The following HEMK2 variants were observed in gnomAD, a reference collection of about 807,000 sequenced individuals.
HEMK2 encodes the protein methyltransferase HEMK2.
chr21:28,698,376 T>G, the HEMK2 span, among the ~76,000 whole-genome samples: 24 of 152,260 alleles, frequency 1.6e-4, no homozygotes. Context: ...TCGGTTAAAA[T>G]GAAAAATTGT....
the HEMK2 span, among the ~76,000 whole-genome samples, chr21:28,731,577 A>C: frequency 4.5e-5 from 6 of 132,650 alleles, no homozygotes; most frequent in Non-Finnish European, 7.8e-5. Context: ...GCTCACAGGA[A>C]GGGGAACATC....
At chr21:28,811,158 G>A in the HEMK2 span, among the ~76,000 whole-genome samples, 14 of 151,998 alleles carry the variant, frequency 9.2e-5, no homozygotes, top group African/African-American at 3.1e-4. Flanking sequence ...AAGGCAGGAG[G>A]ATTTCTTGAG....
chr21:28,741,148 G>A, the HEMK2 span, among the ~76,000 whole-genome samples: 42 of 152,078 alleles, frequency 2.8e-4, no homozygotes, highest in African/African-American at 9.9e-4. Flanking sequence ...AATCAAATCA[G>A]ATGGGTCCCA....
chr21:28,736,646 TC>T, the HEMK2 span, among the ~76,000 whole-genome samples: 1 of 152,202 alleles, frequency 6.6e-6, no homozygotes, highest in Non-Finnish European at 1.5e-5. Flanking sequence ...ATGCCTGTAA[TC>T]CCAGCTACTC....
At chr21:28,650,380 G>A in the HEMK2 span, among the ~76,000 whole-genome samples, 1 of 151,458 alleles carries the variant, frequency 6.6e-6, no homozygotes. Flanking sequence ...GGGCGACAGG[G>A]TAAGACTCCA....
At chr21:28,855,403 A>G in the HEMK2 span, among the ~76,000 whole-genome samples, 1 of 152,198 alleles carries the variant, frequency 6.6e-6, no homozygotes, top group South Asian at 2.1e-4. Context: ...CTCCCACACA[A>G]TAATAGTGGT....
At chr21:28,621,361 G>A in the HEMK2 span, among the ~76,000 whole-genome samples, 2 of 152,186 alleles carry the variant, frequency 1.3e-5, no homozygotes, top group African/African-American at 4.8e-5. Context: ...CAGTTTCCGT[G>A]TAGTTGTGTG....
At chr21:28,674,375 G>C in the HEMK2 span, among the ~76,000 whole-genome samples, 3 of 152,090 alleles carry the variant, frequency 2.0e-5, no homozygotes, top group Non-Finnish European at 2.9e-5. Context: ...TCACTTTATA[G>C]ACTTGTCCTG....
the HEMK2 span, among the ~76,000 whole-genome samples, chr21:28,830,733 C>T: frequency 5.3e-5 from 8 of 151,904 alleles, no homozygotes; most frequent in Admixed American, 3.3e-4. Context: ...AAAAATTAGC[C>T]GGGCATGGTG....
chr21:28,769,211 G>A, the HEMK2 span, among the ~76,000 whole-genome samples: 1 of 152,010 alleles, frequency 6.6e-6, no homozygotes, highest in Non-Finnish European at 1.5e-5. Flanking sequence ...GGACCCCCAG[G>A]TTTCAAAACA....
chr21:28,792,143 G>A, the HEMK2 span, among the ~76,000 whole-genome samples: 1 of 152,058 alleles, frequency 6.6e-6, no homozygotes. Flanking sequence ...GGGGAAGAAT[G>A]GTCAGTTCCA....
chr21:28,692,493 T>C, the HEMK2 span, among the ~76,000 whole-genome samples: 1 of 152,220 alleles, frequency 6.6e-6, no homozygotes, highest in South Asian at 2.1e-4. Context: ...GGAACAATAT[T>C]CATATTTTGA....
chr21:28,679,955 T>C, the HEMK2 span, among the ~76,000 whole-genome samples: 1 of 151,894 alleles, frequency 6.6e-6, no homozygotes, highest in Non-Finnish European at 1.5e-5. Context: ...GCAGGAAAGA[T>C]CTAAAATTGA....
chr21:28,782,867 G>T, the HEMK2 span, among the ~76,000 whole-genome samples: 3 of 152,176 alleles, frequency 2.0e-5, no homozygotes, highest in East Asian at 3.9e-4. Flanking sequence ...TACCTCAGTG[G>T]TTATATCTCA....
chr21:28,650,745 A>C, the HEMK2 span, among the ~76,000 whole-genome samples: 2 of 152,146 alleles, frequency 1.3e-5, no homozygotes, highest in African/African-American at 2.4e-5. Context: ...GAAGAGGTAA[A>C]GATGTAGATT....
the HEMK2 span, among the ~76,000 whole-genome samples, chr21:28,667,202 G>A: frequency 1.3e-5 from 2 of 152,098 alleles, no homozygotes; most frequent in African/African-American, 2.4e-5. Flanking sequence ...CTCCCTGTGC[G>A]AGCTGTATCT....
chr21:28,745,099 G>A, the HEMK2 span, among the ~76,000 whole-genome samples: 199 of 152,316 alleles, frequency 1.3e-3, 2 homozygotes, highest in East Asian at 0.027. Flanking sequence ...TGGAAAAAGT[G>A]CAAATAAAGA....
chr21:28,814,803 C>G, the HEMK2 span, among the ~76,000 whole-genome samples: 2 of 100,176 alleles, frequency 2.0e-5, no homozygotes, highest in Non-Finnish European at 3.5e-5. Flanking sequence ...CTAGTTCAAC[C>G]ATGTGGAAGT....
the HEMK2 span, among the ~76,000 whole-genome samples, chr21:28,699,466 G>A: frequency 6.6e-6 from 1 of 152,198 alleles, no homozygotes; most frequent in Non-Finnish European, 1.5e-5. Flanking sequence ...AAGTTTATCA[G>A]TCAGCTGAGT....
Sources: gnomAD v4.1 joint callset for allele counts (sites outside exome capture counted in the v4.1 genomes callset) on GRCh38, gnomAD v4.1.1 for gene constraint, MANE v1.5 for transcripts, NCBI Gene and HGNC (gene_info 2026-07-23, HGNC 2026-07-21) for gene names.